The following DNPEP variants were observed in gnomAD, a reference collection of about 807,000 sequenced individuals.
DNPEP encodes the protein aspartyl aminopeptidase.
DNPEP carries 46 observed loss-of-function variants against 59.1 expected under a neutral mutation model. That is an observed-to-expected ratio of 0.78 (90% CI 0.61 to 0.99). The LOEUF (loss-of-function observed/expected upper bound fraction) is 0.99, where lower values mean the gene tolerates loss of function less well. Ranked by LOEUF, DNPEP falls within the 50% of genes least tolerant of loss-of-function variation. The probability of loss-of-function intolerance (pLI) is 0.00; values close to 1 mark genes in which losing one functional copy is unlikely to be tolerated. For synonymous variants in DNPEP, 229 were observed against 242.2 expected (o/e 0.95, Z 0.50); for missense variants, 617 against 649.9 (o/e 0.95, Z 0.55).
chr2:219,380,618 G>A (rs2125131912), intron 13 of DNPEP, among the ~76,000 whole-genome samples: 1 of 152,156 alleles, frequency 6.6e-6, no homozygotes, highest in South Asian at 2.1e-4. Context: ...TGTAGCCTAG[G>A]AGCAATGGGC....
At position 219,386,729 on chromosome 2, in the gene DNPEP, C is replaced by G. The variant is rs780076462; in HGVS notation, c.269G>C (p.Gly90Ala). The stretch of plus-strand genomic sequence containing the variant: ...GAAGCCATTGCCAGGAACGTACTGG[C>G]CCCCTACAGCAAAAGCTATGATGGT... ...SSTIIAFAVG[G>A]QYVPGNGFSL... The change falls in exon 4 of 15, where the codon GGC (glycine) becomes GCC (alanine). Residue 90 changes from glycine to alanine, a missense_variant. Coordinates refer to ENST00000273075, the MANE Select transcript of DNPEP (RefSeq NM_012100.4). The G allele has an allele frequency of 1.2e-6, 2 of 1,612,868 alleles. No homozygotes were observed. Among genetic ancestry groups the G allele is most frequent in the Non-Finnish European group, 1.7e-6 (2 of 1,179,642 alleles).
chr2:219,382,286 C>T (rs759244245), intron 10 of DNPEP, 147 bp from the exon 11 acceptor site: 1 of 872,520 alleles, frequency 1.1e-6, no homozygotes, highest in Non-Finnish European at 1.7e-6. Context: ...GGGGTCGTCA[C>T]TGAACACCAG....
upstream of DNPEP, among the ~76,000 whole-genome samples, chr2:219,389,544 TA>T (rs1243237183): frequency 6.6e-6 from 1 of 152,224 alleles, no homozygotes; most frequent in African/African-American, 2.4e-5. Context: ...GAAATACCAT[TA>T]TGGGCCTGGC....
chr2:219,388,595 C>G, upstream of DNPEP: 4 of 671,662 alleles, frequency 6.0e-6, no homozygotes, highest in Non-Finnish European at 7.4e-6. Context: ...CCCGCAGCCG[C>G]CGCCAGGGCC....
intron 5 of DNPEP, 51 bp from the exon 6 acceptor site, chr2:219,386,149 C>A: frequency 6.2e-7 from 1 of 1,604,534 alleles, no homozygotes; most frequent in South Asian, 1.1e-5. Flanking sequence ...CCCCAGTGGT[C>A]AGTCTTTACT....
chr2:219,389,171 AAAC>A (rs1169602738), upstream of DNPEP: 1 of 152,254 alleles, frequency 6.6e-6, no homozygotes, highest in Admixed American at 6.5e-5. Flanking sequence ...CATTTGTTAA[AAAC>A]AACAGAAAAA....
rs1349161740 is a variant in DNPEP, at chr2:219,372,627, A to G, written c.*1665T>C. On this transcript the variant is annotated 3_prime_UTR_variant, in exon 15 of 15. Transcript: ENST00000273075. ...AGTGATCTGCCCACCTCGGCCTCCCAAAGTGCTGGGATTACAGGCATAAGC... is the reference window on the plus strand; with the variant it reads ...AGTGATCTGCCCACCTCGGCCTCCCGAAGTGCTGGGATTACAGGCATAAGC... Among the ~76,000 whole-genome samples, 2 of 152,074 alleles carry G rather than the reference A, an allele frequency of 1.3e-5. No homozygotes were observed. The highest frequency in any genetic ancestry group is 2.9e-5 in the Non-Finnish European group (2 of 67,996).
At chr2:219,384,016 G>A (rs1324263744) in intron 9 of DNPEP, among the ~76,000 whole-genome samples, 1 of 152,194 alleles carries the variant, frequency 6.6e-6, no homozygotes, top group African/African-American at 2.4e-5. Flanking sequence ...GCAGAAGGAG[G>A]TGGATGATAC....
intron 13 of DNPEP, among the ~76,000 whole-genome samples, chr2:219,375,920 C>T (rs745793874): frequency 2.0e-5 from 3 of 152,016 alleles, no homozygotes; most frequent in Non-Finnish European, 2.9e-5. Context: ...AAGCACCGTC[C>T]CCTCCCCCAA....
chr2:219,374,126 G>A lies in DNPEP; in HGVS notation c.*166C>T. 1.5e-6 allele frequency: 1 copy of A among 649,268 alleles called. No individual in the cohort carries two copies. Among genetic ancestry groups the A allele is most frequent in the Non-Finnish European group, 2.6e-6 (1 of 378,408 alleles). 40.2% of individuals were successfully genotyped at this position (649,268 alleles called of 1,614,324 possible). A position where few individuals can be genotyped will look rare whatever the true frequency, so the allele number is the denominator to read the frequency against. ...CCTCCACCTGCTCCCCAACTTTTCT[G>A]GTTCCAAAGGTTCAAGCCAGGCTCA... On this transcript the variant is annotated 3_prime_UTR_variant, in exon 15 of 15. Transcript: ENST00000273075.
At chr2:219,388,565 C>A (rs1002430250), upstream of DNPEP, 4 of 351,840 alleles carry the variant, frequency 1.1e-5, no homozygotes, top group Middle Eastern at 1.4e-3. Flanking sequence ...CCCTGCACCC[C>A]CGTCACCCAC....
At chr2:219,378,909 G>A (rs760085784) in intron 13 of DNPEP, among the ~76,000 whole-genome samples, 5 of 151,964 alleles carry the variant, frequency 3.3e-5, no homozygotes, top group Non-Finnish European at 5.9e-5. Flanking sequence ...ACTATATTAT[G>A]CTTTTTATTG....
intron 1 of DNPEP, chr2:219,399,857 C>T (rs1390025187): frequency 1.9e-6 from 3 of 1,550,146 alleles, no homozygotes; most frequent in Non-Finnish European, 2.6e-6. Context: ...CTAGACAGGC[C>T]CCGGTTACCT....
chr2:219,385,728 G>C (rs149080839), intron 6 of DNPEP, 22 bp from the exon 7 acceptor site: 10 of 1,583,870 alleles, frequency 6.3e-6, no homozygotes, highest in Middle Eastern at 1.7e-4. Flanking sequence ...CGTGGGTTGT[G>C]GGGGGATTGC....
chr2:219,387,390 T>A, intron 1 of DNPEP: 1 of 1,435,118 alleles, frequency 7.0e-7, no homozygotes, highest in Non-Finnish European at 9.2e-7. Context: ...TAATCCGAAC[T>A]TTAGCCCGAC....
intron 13 of DNPEP, among the ~76,000 whole-genome samples, chr2:219,378,763 T>A (rs773524660): frequency 2.0e-5 from 3 of 152,220 alleles, no homozygotes; most frequent in Non-Finnish European, 4.4e-5. Context: ...TGTGGCATAA[T>A]GCATGACTCA....
chr2:219,383,781 T>A (rs1953698185), intron 9 of DNPEP, among the ~76,000 whole-genome samples: 1 of 152,110 alleles, frequency 6.6e-6, no homozygotes, highest in Non-Finnish European at 1.5e-5. Context: ...CCAGCTCTGG[T>A]CTCAATTACA....
chr2:219,395,905 C>T (rs915519847), intron 1 of DNPEP, among the ~76,000 whole-genome samples: 2 of 152,152 alleles, frequency 1.3e-5, no homozygotes, highest in Non-Finnish European at 2.9e-5. Context: ...TCCTCAGTGC[C>T]TGGCAGGTAG....
At position 219,386,062 on chromosome 2, in the gene DNPEP, G is replaced by C. The variant is rs1370056441; in HGVS notation, c.496C>G (p.His166Asp). 1.9e-6 allele frequency: 3 copies of C among 1,614,026 alleles called. No individual in the cohort carries two copies. The highest frequency in any genetic ancestry group is 2.5e-6 in the Non-Finnish European group (3 of 1,180,032). The change falls in exon 6 of 15, where the codon CAC (histidine) becomes GAC (aspartate). Residue 166 changes from histidine (H) to aspartate (D), a missense_variant. Transcript: ENST00000273075. Reference sequence around the variant, plus strand: ...ATGCGAAGAATGGGCCGCTCCACGTGCACCAGCTGCTGCTCCAGCCGACCT... The same window carrying C: ...ATGCGAAGAATGGGCCGCTCCACGTCCACCAGCTGCTGCTCCAGCCGACCT... The part of the protein sequence containing the change: ...TSGRLEQQLV[H>D]VERPILRIPH...
Sources: gnomAD v4.1 joint callset for allele counts (sites outside exome capture counted in the v4.1 genomes callset) on GRCh38, gnomAD v4.1.1 for gene constraint, MANE v1.5 for transcripts, NCBI Gene and HGNC (gene_info 2026-07-23, HGNC 2026-07-21) for gene names.